The following DAB1 variants were observed in gnomAD, a reference collection of about 807,000 sequenced individuals.
The protein encoded by DAB1 is disabled homolog 1.
DAB1 carries 15 observed loss-of-function variants against 64.6 expected under a neutral mutation model. The observed-to-expected ratio is 0.23, with a 90% CI of 0.16 to 0.36. The LOEUF is 0.36. Among genes scored for constraint, DAB1 ranks in the 10% least tolerant of loss-of-function variants. The pLI is 1.00. For synonymous variants in DAB1, 235 were observed against 251.9 expected, an observed-to-expected ratio of 0.93 and a Z score of 0.64; for missense variants, 596 against 706.7, an observed-to-expected ratio of 0.84 and a Z score of 1.78.
chr1:57,796,337 C>G (rs540600712), intron 6 of DAB1, among the ~76,000 whole-genome samples: 1 of 152,028 alleles, frequency 6.6e-6, no homozygotes, highest in South Asian at 2.1e-4. Flanking sequence ...ACCATCCTGG[C>G]TAACATGGTG....
At chr1:58,149,760 C>T (rs1367795079) in intron 5 of DAB1, among the ~76,000 whole-genome samples, 5 of 152,204 alleles carry the variant, frequency 3.3e-5, no homozygotes, top group Non-Finnish European at 7.3e-5. Flanking sequence ...CTCTGCTCCC[C>T]TATCCACCCC....
At chr1:58,274,622 G>C (rs1306129687) in intron 4 of DAB1, among the ~76,000 whole-genome samples, 2 of 151,786 alleles carry the variant, frequency 1.3e-5, no homozygotes, top group Non-Finnish European at 2.9e-5. Flanking sequence ...CCGCCTTGCA[G>C]TTTGATCTCA....
At chr1:57,280,608 GC>G (rs1671811863) in intron 2 of DAB1, among the ~76,000 whole-genome samples, 1 of 152,186 alleles carries the variant, frequency 6.6e-6, no homozygotes, top group Non-Finnish European at 1.5e-5. Context: ...ACTGCCAGAG[GC>G]AGCACACTGA....
chr1:57,369,148 C>T (rs577651284), intron 1 of DAB1, among the ~76,000 whole-genome samples: 4 of 152,320 alleles, frequency 2.6e-5, no homozygotes, highest in African/African-American at 9.6e-5. Flanking sequence ...CCTCCACTTG[C>T]TAAGCAGCAA....
At chr1:57,955,480 C>T (rs1645370438) in intron 5 of DAB1, among the ~76,000 whole-genome samples, 1 of 152,000 alleles carries the variant, frequency 6.6e-6, no homozygotes, top group Non-Finnish European at 1.5e-5. Context: ...TTTAGATTTT[C>T]CCTAATAGTA....
intron 1 of DAB1, among the ~76,000 whole-genome samples, chr1:57,301,809 G>A (rs1009268417): frequency 7.2e-5 from 11 of 152,084 alleles, no homozygotes; most frequent in East Asian, 1.9e-4. Context: ...ATCCTGAACC[G>A]TCTGCCTCTC....
chr1:57,744,383 A>G (rs1389126541), intron 6 of DAB1, among the ~76,000 whole-genome samples: 2 of 151,438 alleles, frequency 1.3e-5, no homozygotes, highest in African/African-American at 4.9e-5. Flanking sequence ...TTTTCTTTTT[A>G]TCTCACAGGG....
At chr1:58,442,047 G>A (rs968956969) in intron 3 of DAB1, among the ~76,000 whole-genome samples, 3 of 152,164 alleles carry the variant, frequency 2.0e-5, no homozygotes, top group African/African-American at 4.8e-5. Context: ...AATAACACCC[G>A]GAAGGAAGTA....
intron 1 of DAB1, among the ~76,000 whole-genome samples, chr1:57,342,774 C>T (rs1677707591): frequency 1.3e-5 from 2 of 150,122 alleles, no homozygotes; most frequent in East Asian, 1.9e-4. Flanking sequence ...AGCTGCGGAC[C>T]TTCGCGGTGA....
chr1:57,137,302 T>C (rs1386074242), intron 3 of DAB1, among the ~76,000 whole-genome samples: 1 of 152,192 alleles, frequency 6.6e-6, no homozygotes, highest in Non-Finnish European at 1.5e-5. Flanking sequence ...GATATGTCTA[T>C]GAGTTAGTGA....
At chr1:58,152,812 A>G (rs1268788274) in intron 4 of DAB1, among the ~76,000 whole-genome samples, 1 of 152,198 alleles carries the variant, frequency 6.6e-6, no homozygotes, top group African/African-American at 2.4e-5. Context: ...AAGCACTTCA[A>G]CATCTATTAG....
In DAB1 at chr1:57,990,585, C is replaced by T. The variant is rs773117148; in HGVS notation, n.388-106423G>A. Reference sequence around the variant, plus strand: ...AGGGAGGGGCCTGACACAGGTCTTTCGGAGCATGACATGCATGTTCTGTCC... The same window carrying T: ...AGGGAGGGGCCTGACACAGGTCTTTTGGAGCATGACATGCATGTTCTGTCC... On this transcript the variant is annotated intron_variant and non_coding_transcript_variant, in intron 5 of 20. Transcript: ENST00000485760. Among the ~76,000 whole-genome samples, 7 of 152,184 alleles carry T rather than the reference C, an allele frequency of 4.6e-5. 1 individual carries two copies. The highest frequency in any genetic ancestry group is 4.1e-4 in the South Asian group (2 of 4,830).
chr1:58,416,818 T>C (rs114163947), intron 3 of DAB1, among the ~76,000 whole-genome samples: 4,357 of 152,216 alleles, frequency 0.029, 89 homozygotes, highest in Non-Finnish European at 0.049. Context: ...ATGAAGACCC[T>C]ACCTTCATGA....
rs1403260668 is a variant in DAB1, at chr1:57,203,287, T to G, written c.68-57858A>C. Among the ~76,000 whole-genome samples the G allele has an allele frequency of 2.0e-5, 3 of 152,226 alleles. No homozygotes were observed. In the East Asian group the frequency reaches 5.8e-4, roughly 29 times the overall value. On this transcript the variant is annotated intron_variant, in intron 2 of 14. Transcript: ENST00000371236. ...CAAGTCCCCTCTCACTTGTCATTTT[T>G]CTTTGCTTCCTCAGCTTCTCCATTA...
At chr1:58,293,971 A>G (rs528117493) in intron 4 of DAB1, among the ~76,000 whole-genome samples, 40 of 152,340 alleles carry the variant, frequency 2.6e-4, no homozygotes, top group African/African-American at 9.4e-4. Context: ...TGATGACAGC[A>G]GAACCCATCA....
At chr1:58,218,167 G>A (rs1042316759) in intron 4 of DAB1, among the ~76,000 whole-genome samples, 1 of 152,084 alleles carries the variant, frequency 6.6e-6, no homozygotes, top group East Asian at 1.9e-4. Context: ...GAGAAAGGCT[G>A]ACGTAAGAAA....
intron 4 of DAB1, among the ~76,000 whole-genome samples, chr1:58,339,815 T>C (rs17495428): frequency 0.17 from 26,496 of 152,222 alleles, 2,564 homozygotes; most frequent in South Asian, 0.3. Flanking sequence ...GAAGATTTTG[T>C]GACACTATTC....
At chr1:57,975,741 T>C (rs1645903342) in intron 5 of DAB1, among the ~76,000 whole-genome samples, 1 of 152,190 alleles carries the variant, frequency 6.6e-6, no homozygotes, top group African/African-American at 2.4e-5. Context: ...TAAAACTTTC[T>C]AGATGATTAT....
intron 9 of DAB1, among the ~76,000 whole-genome samples, chr1:57,043,906 C>T (rs1376845629): frequency 6.6e-6 from 1 of 152,118 alleles, no homozygotes. Flanking sequence ...ATCCAACCTC[C>T]TCACCACTGC....
Sources: gnomAD v4.1 joint callset for allele counts (sites outside exome capture counted in the v4.1 genomes callset) on GRCh38, gnomAD v4.1.1 for gene constraint, MANE v1.5 for transcripts, NCBI Gene and HGNC (gene_info 2026-07-23, HGNC 2026-07-21) for gene names.